The following DPP10 variants were observed in gnomAD, a reference collection of about 807,000 sequenced individuals.
DPP10 encodes the protein inactive dipeptidyl peptidase 10.
DPP10 carries 33 observed loss-of-function variants against 120.9 expected under a neutral mutation model. The ratio of observed to expected loss-of-function variants is 0.27; its 90% confidence interval spans 0.21 to 0.37. DPP10 has a LOEUF of 0.37. DPP10 is among the 10% of genes least tolerant of loss of function. The pLI is 1.00. For synonymous variants in DPP10, 337 were observed against 326.1 expected (o/e 1.03, Z -0.36); for missense variants, 816 against 942.8 (o/e 0.87, Z 1.76).
chr2:115,011,226 T>G (rs1473137140), intron 1 of DPP10, among the ~76,000 whole-genome samples: 6 of 152,182 alleles, frequency 3.9e-5, no homozygotes, highest in South Asian at 4.1e-4. Context: ...ACGCTTTGGG[T>G]GCCCTTAAAA....
At chr2:115,059,972 G>A (rs1011145526) in intron 1 of DPP10, among the ~76,000 whole-genome samples, 8 of 151,892 alleles carry the variant, frequency 5.3e-5, no homozygotes, top group Non-Finnish European at 1.0e-4. Context: ...AAAACATGAG[G>A]ATGATGCGTG....
At chr2:114,870,793 A>G (rs1690631462) in intron 1 of DPP10, among the ~76,000 whole-genome samples, 1 of 135,858 alleles carries the variant, frequency 7.4e-6, no homozygotes, top group African/African-American at 2.6e-5. Flanking sequence ...TATTTTAGAT[A>G]AAGTGCCTAT....
chr2:115,224,469 G>A (rs919867151), intron 1 of DPP10, among the ~76,000 whole-genome samples: 1 of 152,036 alleles, frequency 6.6e-6, no homozygotes, highest in African/African-American at 2.4e-5. Context: ...TCATATAAGC[G>A]AGATATTATT....
chr2:114,859,786 C>T (rs1689668083), intron 1 of DPP10, among the ~76,000 whole-genome samples: 2 of 152,196 alleles, frequency 1.3e-5, no homozygotes, highest in South Asian at 4.1e-4. Flanking sequence ...ATTGTTTTGA[C>T]ATAACCTAAT....
chr2:114,611,079 T>C (rs1693250712), intron 1 of DPP10, among the ~76,000 whole-genome samples: 1 of 152,058 alleles, frequency 6.6e-6, no homozygotes, highest in African/African-American at 2.4e-5. Flanking sequence ...TACACTATAC[T>C]TAATGGGGAG....
At chr2:115,680,574 A>G (rs2090582486) in intron 5 of DPP10, among the ~76,000 whole-genome samples, 1 of 151,996 alleles carries the variant, frequency 6.6e-6, no homozygotes, top group Admixed American at 6.6e-5. Flanking sequence ...ATAAAAAATA[A>G]TTATTGCTTA....
chr2:115,381,345 C>T (rs1225502316), intron 3 of DPP10, among the ~76,000 whole-genome samples: 7 of 152,142 alleles, frequency 4.6e-5, no homozygotes, highest in East Asian at 1.9e-4. Flanking sequence ...TTGATCGCGT[C>T]GGCTCCTGAG....
rs1690547921 is a variant in DPP10 at position 115,845,552 on chromosome 2, T to C, written c.*3207T>C. The C allele has an allele frequency of 6.6e-6, 1 of 152,234 alleles. No individual in the cohort carries two copies. Among genetic ancestry groups the C allele is most frequent in the Non-Finnish European group, 1.5e-5 (1 of 68,072 alleles). The allele number at this position is 152,234 out of a possible 1,614,324, so 9.4% of individuals were successfully genotyped here. On this transcript the variant is annotated 3_prime_UTR_variant, in exon 26 of 26. Coordinates refer to ENST00000410059, the MANE Select transcript of DPP10 (RefSeq NM_020868.6). ...AGAAGCCCATAGCTGCATACCCTTC[T>C]ATTTTCCTCTTCCCCATTTCACTCT... is the stretch of plus-strand genomic sequence containing the variant.
At chr2:115,127,846 G>A (rs2050154319) in intron 1 of DPP10, among the ~76,000 whole-genome samples, 1 of 152,094 alleles carries the variant, frequency 6.6e-6, no homozygotes, top group Admixed American at 6.5e-5. Context: ...GTGAACATGT[G>A]TACACTTCGG....
intron 1 of DPP10, among the ~76,000 whole-genome samples, chr2:114,699,221 G>A (rs1700244272): frequency 6.6e-6 from 1 of 152,036 alleles, no homozygotes; most frequent in Non-Finnish European, 1.5e-5. Flanking sequence ...TACCATGAAG[G>A]CATGGCCCAA....
intron 1 of DPP10, among the ~76,000 whole-genome samples, chr2:114,825,305 C>G (rs1686432612): frequency 6.6e-6 from 1 of 152,166 alleles, no homozygotes; most frequent in Admixed American, 6.5e-5. Context: ...GCATTGGAAT[C>G]TAGAAAGTGA....
chr2:114,953,192 A>G (rs1697924359), intron 1 of DPP10, among the ~76,000 whole-genome samples: 1 of 152,200 alleles, frequency 6.6e-6, no homozygotes, highest in South Asian at 2.1e-4. Context: ...CAGAGAACTG[A>G]AGGGCATCTT....
chr2:115,804,013 T>A (rs1212498292), intron 19 of DPP10, among the ~76,000 whole-genome samples: 1 of 152,166 alleles, frequency 6.6e-6, no homozygotes, highest in Non-Finnish European at 1.5e-5. Context: ...CTGGATAATA[T>A]CCTGCAGAGT....
intron 4 of DPP10, among the ~76,000 whole-genome samples, chr2:115,519,633 A>G (rs2077690129): frequency 6.6e-6 from 1 of 152,202 alleles, no homozygotes; most frequent in African/African-American, 2.4e-5. Context: ...TTACAGCTAA[A>G]TTATAAAAGC....
intron 1 of DPP10, among the ~76,000 whole-genome samples, chr2:114,935,371 T>A (rs1288721808): frequency 6.6e-6 from 1 of 152,150 alleles, no homozygotes; most frequent in Non-Finnish European, 1.5e-5. Context: ...AAGTCGGAAC[T>A]CTTTCTAATT....
At chr2:115,354,042 A>G (rs982462617) in intron 3 of DPP10, among the ~76,000 whole-genome samples, 9 of 152,186 alleles carry the variant, frequency 5.9e-5, no homozygotes, top group African/African-American at 1.7e-4. Context: ...TTTTTAGAAA[A>G]TGTAATTGTT....
intron 8 of DPP10, 90 bp downstream of exon 8, chr2:115,728,026 A>C (rs2092808068): frequency 7.2e-7 from 1 of 1,396,838 alleles, no homozygotes; most frequent in African/African-American, 1.5e-5. Context: ...CCGGAGCAAT[A>C]CTTACAGTAC....
At chr2:114,926,084 G>T (rs2104464229) in intron 1 of DPP10, among the ~76,000 whole-genome samples, 1 of 152,292 alleles carries the variant, frequency 6.6e-6, no homozygotes, top group East Asian at 1.9e-4. Flanking sequence ...AGACTGGAGA[G>T]AGGTCCAATT....
At chr2:114,904,247 T>C (rs1031922181) in intron 1 of DPP10, among the ~76,000 whole-genome samples, 1 of 152,174 alleles carries the variant, frequency 6.6e-6, no homozygotes, top group Admixed American at 6.5e-5. Flanking sequence ...AAAATATGAA[T>C]GTTAAAGGCC....
Sources: gnomAD v4.1 joint callset for allele counts (sites outside exome capture counted in the v4.1 genomes callset) on GRCh38, gnomAD v4.1.1 for gene constraint, MANE v1.5 for transcripts, NCBI Gene and HGNC (gene_info 2026-07-23, HGNC 2026-07-21) for gene names.